The following ZNF461 variants were observed in gnomAD, a reference collection of about 807,000 sequenced individuals.
ZNF461 encodes the protein gonadotropin-inducible ovarian transcription factor-1.
ZNF461 carries 16 observed loss-of-function variants against 18.3 expected under a neutral mutation model. That is an observed-to-expected ratio of 0.88 (90% CI 0.59 to 1.33). ZNF461 has a LOEUF of 1.33. Among genes scored for constraint, ZNF461 ranks in the 40% most tolerant of loss-of-function variants. The pLI is 0.00. For synonymous variants in ZNF461, 179 were observed against 216.9 expected, an observed-to-expected ratio of 0.83 and a Z score of 1.54; for missense variants, 595 against 669.9, an observed-to-expected ratio of 0.89 and a Z score of 1.23.
intron 2 of ZNF461, among the ~76,000 whole-genome samples, chr19:36,662,490 C>T (rs892295491): frequency 2.0e-5 from 3 of 147,244 alleles, no homozygotes; most frequent in East Asian, 2.1e-4. Context: ...CTCCTGACCT[C>T]GTGATCCGCC....
chr19:36,660,512 G>A (rs769766028), intron 2 of ZNF461, among the ~76,000 whole-genome samples: 3 of 151,894 alleles, frequency 2.0e-5, no homozygotes, highest in South Asian at 4.2e-4. Context: ...CCTCTCTGTT[G>A]CAGTGATGTG....
At chr19:36,650,822 AAAT>A (rs1488159506) in intron 4 of ZNF461, among the ~76,000 whole-genome samples, 2 of 150,320 alleles carry the variant, frequency 1.3e-5, no homozygotes, top group Non-Finnish European at 3.0e-5. Context: ...TAAATATGAT[AAAT>A]AAGAAAAATA....
chr19:36,652,462 T>C (rs1238021514), intron 4 of ZNF461, among the ~76,000 whole-genome samples: 11 of 148,900 alleles, frequency 7.4e-5, no homozygotes, highest in South Asian at 2.1e-4. Flanking sequence ...GATTGCCCCA[T>C]TGCACTCCAG....
chr19:36,665,983 C>G (rs2145426759), intron 1 of ZNF461, among the ~76,000 whole-genome samples: 1 of 151,360 alleles, frequency 6.6e-6, no homozygotes, highest in East Asian at 1.9e-4. Context: ...TGCACAGGAG[C>G]GGGGTGAGGT....
intron 4 of ZNF461, among the ~76,000 whole-genome samples, chr19:36,648,256 T>G (rs2037563644): frequency 6.6e-6 from 1 of 151,954 alleles, no homozygotes; most frequent in Non-Finnish European, 1.5e-5. Context: ...CCATGTAAAG[T>G]GCCTGCTCCT....
At position 36,656,562 on chromosome 19, in the gene ZNF461, A is replaced by T; in HGVS notation, c.137-19T>A. 1 of 1,585,812 alleles carries T rather than the reference A, an allele frequency of 6.3e-7. No individual in the cohort carries two copies. Among genetic ancestry groups the T allele is most frequent in the Non-Finnish European group, 8.7e-7 (1 of 1,154,730 alleles). ...GAAAGTCCTAGTTATAAGAAAAGAAATTGAGATGAGATGGAAATGAATGTA... is the reference window on the plus strand; with the variant it reads ...GAAAGTCCTAGTTATAAGAAAAGAATTTGAGATGAGATGGAAATGAATGTA... On this transcript the variant is annotated intron_variant, in intron 3 of 5. Coordinates refer to ENST00000588268, the MANE Select transcript of ZNF461 (RefSeq NM_153257.5).
intron 4 of ZNF461, among the ~76,000 whole-genome samples, chr19:36,649,482 A>C (rs1031591324): frequency 6.6e-6 from 1 of 152,014 alleles, no homozygotes; most frequent in African/African-American, 2.4e-5. Context: ...AGGCTGGGCC[A>C]TTGTGCCCAG....
Position 36,639,488 on chromosome 19 carries a change from G to A in ZNF461, c.857C>T (p.Ser286Leu), listed in dbSNP as rs1189400747. Residue 286 changes from serine (S) to leucine (L), a missense_variant, in exon 6 of 6, where the codon TCA becomes TTA. Ser to Leu is a moderately radical substitution (Grantham distance 145). Coordinates refer to ENST00000588268, the MANE Select transcript of ZNF461 (RefSeq NM_153257.5). Reference sequence around the variant, plus strand: ...AATTCTTTGATGTAGAGTAAGTTCTGAGCCATAATTAAAGGCCTTCCCACA... The same window carrying A: ...AATTCTTTGATGTAGAGTAAGTTCTAAGCCATAATTAAAGGCCTTCCCACA... ...NECGKAFNYG[S>L]ELTLHQRIHT... The A allele has an allele frequency of 1.2e-6, 2 of 1,613,386 alleles. No homozygotes were observed. Among genetic ancestry groups the A allele is most frequent in the Admixed American group, 1.7e-5 (1 of 59,978 alleles).
chr19:36,638,641 C>T lies in ZNF461; in HGVS notation c.*12G>A, dbSNP rs2037342511. On this transcript the variant is annotated 3_prime_UTR_variant, in exon 6 of 6. Transcript: ENST00000588268. ...ATAAAACAAAGACAATGTATATTTC[C>T]ATCAACAAATTTCATGATGCTAGAC... is the stretch of plus-strand genomic sequence containing the variant. The T allele has an allele frequency of 1.3e-6, 2 of 1,569,008 alleles. No homozygotes were observed. The highest frequency in any genetic ancestry group is 1.7e-6 in the Non-Finnish European group (2 of 1,156,708).
chr19:36,655,655 C>T (rs1000441906), intron 4 of ZNF461, among the ~76,000 whole-genome samples: 2 of 152,122 alleles, frequency 1.3e-5, no homozygotes, highest in African/African-American at 4.8e-5. Flanking sequence ...CTTTGATGTA[C>T]AGAAGTTTTT....
chr19:36,644,376 C>G (rs2037483879), intron 4 of ZNF461, among the ~76,000 whole-genome samples: 1 of 152,116 alleles, frequency 6.6e-6, no homozygotes, highest in Non-Finnish European at 1.5e-5. Context: ...TCAAGCGATT[C>G]TCCTGCCTCA....
chr19:36,655,989 A>G (rs1189252855), intron 4 of ZNF461, among the ~76,000 whole-genome samples: 1 of 149,570 alleles, frequency 6.7e-6, no homozygotes, highest in East Asian at 1.9e-4. Flanking sequence ...CTATTCCTTT[A>G]GAATATCTTT....
chr19:36,658,789 T>C (rs1172515535), intron 2 of ZNF461, among the ~76,000 whole-genome samples: 2 of 152,264 alleles, frequency 1.3e-5, no homozygotes, highest in African/African-American at 4.8e-5. Context: ...TGAAGATTTT[T>C]ATTCATGATT....
intron 4 of ZNF461, among the ~76,000 whole-genome samples, chr19:36,648,500 G>GT (rs556558759): frequency 8.1e-4 from 121 of 149,886 alleles, no homozygotes; most frequent in Non-Finnish European, 9.8e-4. Context: ...CACTTGTTAT[G>GT]TTTTTTTTTT....
At chr19:36,658,934 A>T (rs2145410349) in intron 2 of ZNF461, among the ~76,000 whole-genome samples, 1 of 152,274 alleles carries the variant, frequency 6.6e-6, no homozygotes, top group African/African-American at 2.4e-5. Flanking sequence ...TAACCTTGAC[A>T]TCCCCCTTCC....
At chr19:36,661,128 A>AG (rs1403257088) in intron 2 of ZNF461, among the ~76,000 whole-genome samples, 1 of 152,026 alleles carries the variant, frequency 6.6e-6, no homozygotes, top group African/African-American at 2.4e-5. Context: ...AATTTAAAAC[A>AG]TTAGCCAGGG....
In ZNF461 at chr19:36,639,279, G is replaced by A; in HGVS notation, c.1066C>T (p.Pro356Ser). 1 of 1,613,986 alleles carries A rather than the reference G, an allele frequency of 6.2e-7. No homozygotes were observed. The highest frequency in any genetic ancestry group is 8.5e-7 in the Non-Finnish European group (1 of 1,179,996). Reference protein sequence around the residue: ...EHLRLHTGEKPYECKECGKTF... With the variant: ...EHLRLHTGEKSYECKECGKTF... Reference sequence around the variant, plus strand: ...TTTCCACATTCTTTACATTCATAAGGTTTCTCTCCAGTATGGAGTCGCAGG... The same window carrying A: ...TTTCCACATTCTTTACATTCATAAGATTTCTCTCCAGTATGGAGTCGCAGG... Residue 356 changes from proline (P) to serine (S), a missense_variant, in exon 6 of 6, where the codon CCT (proline) becomes TCT (serine). Physicochemically the swap from Pro to Ser is moderately conservative, Grantham distance 74. Transcript: ENST00000588268.
chr19:36,656,485 C>T lies in ZNF461; in HGVS notation c.195G>A (p.Trp65Ter). 1 of 1,614,214 alleles carries T rather than the reference C, an allele frequency of 6.2e-7. No homozygotes were observed. Among genetic ancestry groups the T allele is most frequent in the South Asian group, 1.1e-5 (1 of 91,084 alleles). Residue 65 changes from tryptophan to a stop codon, truncating the protein, a stop_gained, in exon 4 of 6, where the codon TGG (tryptophan) becomes TGA (stop). Transcript: ENST00000588268. LOFTEE classifies it high-confidence loss of function. The stretch of plus-strand genomic sequence containing the variant: ...TTCCTGTCTCTTCCCTCACAACCAT[C>T]CAGGGCTCCTTCCCTTGCTCCAATG... Reference protein sequence around the residue: ...ISSLEQGKEPWMVVREETGRW... With the variant: ...ISSLEQGKEP
chr19:36,647,049 A>G (rs890740212), intron 4 of ZNF461, among the ~76,000 whole-genome samples: 6 of 152,120 alleles, frequency 3.9e-5, no homozygotes, highest in African/African-American at 1.2e-4. Context: ...AACACAATTT[A>G]TTTTCCCATA....
Sources: gnomAD v4.1 joint callset for allele counts (sites outside exome capture counted in the v4.1 genomes callset) on GRCh38, gnomAD v4.1.1 for gene constraint, MANE v1.5 for transcripts, NCBI Gene and HGNC (gene_info 2026-07-23, HGNC 2026-07-21) for gene names.